Variants in IL16 observed in about 807,000 individuals in gnomAD.
IL16 encodes interleukin 16, also known as pro-interleukin-16.
IL16 carries 67 observed loss-of-function variants against 110.1 expected under a neutral mutation model. The observed-to-expected ratio is 0.61, with a 90% CI of 0.50 to 0.75. The LOEUF (loss-of-function observed/expected upper bound fraction) is 0.75, where lower values mean the gene tolerates loss of function less well. Among genes scored for constraint, IL16 ranks in the 30% least tolerant of loss-of-function variants. The pLI, the probability that IL16 is intolerant of heterozygous loss-of-function variation, is 0.00. For synonymous variants in IL16, 689 were observed against 662.9 expected (o/e 1.04, Z -0.61); for missense variants, 1,545 against 1,655.0 (o/e 0.93, Z 1.15).
exon 1 of IL16, chr15:81,182,874 A>G: frequency 7.8e-7 from 1 of 1,289,354 alleles, no homozygotes; most frequent in South Asian, 1.2e-5. Context: ...TGCAGAAGAG[A>G]GTCTTCCCGA....
intron 18 of IL16, among the ~76,000 whole-genome samples, chr15:81,307,320 G>A (rs1421213401): frequency 6.6e-6 from 1 of 152,118 alleles, no homozygotes; most frequent in Non-Finnish European, 1.5e-5. Context: ...TGGGCCTGAG[G>A]CTCTTCATCC....
chr15:81,257,089 A>G (rs1897974597), intron 2 of IL16, among the ~76,000 whole-genome samples: 1 of 152,208 alleles, frequency 6.6e-6, no homozygotes. Flanking sequence ...CCTTCTCTAT[A>G]GTCACTGCTT....
chr15:81,229,788 A>C (rs566711610), intron 2 of IL16, among the ~76,000 whole-genome samples: 44 of 152,242 alleles, frequency 2.9e-4, no homozygotes, highest in African/African-American at 9.6e-4. Flanking sequence ...TCCCCTCGCC[A>C]GAGTGGCCCT....
intron 2 of IL16, among the ~76,000 whole-genome samples, chr15:81,236,796 A>C (rs1438435154): frequency 6.6e-6 from 1 of 152,096 alleles, no homozygotes; most frequent in Non-Finnish European, 1.5e-5. Flanking sequence ...GTCTCTACGA[A>C]ATACACAAAA....
chr15:81,229,494 C>A (rs1896900944), intron 2 of IL16, among the ~76,000 whole-genome samples: 1 of 151,974 alleles, frequency 6.6e-6, no homozygotes. Context: ...ACTGGGACAA[C>A]AGAGAGGGGC....
intron 2 of IL16, among the ~76,000 whole-genome samples, chr15:81,245,189 T>C (rs1897493931): frequency 1.3e-5 from 2 of 152,212 alleles, no homozygotes; most frequent in Non-Finnish European, 2.9e-5. Flanking sequence ...GTTCAAAATA[T>C]TTCTGGGGTT....
intron 12 of IL16, chr15:81,295,489 A>G (rs1222443336): frequency 7.8e-7 from 1 of 1,289,716 alleles, no homozygotes; most frequent in East Asian, 5.5e-5. Flanking sequence ...CATGAATGTC[A>G]ACAGATGTCA....
chr15:81,193,272 A>G (rs956451311), upstream of IL16, among the ~76,000 whole-genome samples: 2 of 152,062 alleles, frequency 1.3e-5, no homozygotes, highest in East Asian at 1.9e-4. Flanking sequence ...TTAGGGGGGG[A>G]ATCAAGAGTA....
At chr15:81,242,946 T>A (rs967041270) in intron 2 of IL16, among the ~76,000 whole-genome samples, 1 of 151,308 alleles carries the variant, frequency 6.6e-6, no homozygotes, top group Admixed American at 6.6e-5. Context: ...GGTCAAAAAA[T>A]TTTTTTGCAT....
intron 1 of IL16, among the ~76,000 whole-genome samples, chr15:81,186,175 G>C (rs924098810): frequency 6.6e-6 from 1 of 152,232 alleles, no homozygotes; most frequent in Non-Finnish European, 1.5e-5. Flanking sequence ...CTTCCTGAGT[G>C]CTTTCAGCAC....
chr15:81,229,065 G>T (rs1896885479), intron 2 of IL16, among the ~76,000 whole-genome samples: 1 of 152,058 alleles, frequency 6.6e-6, no homozygotes. Flanking sequence ...TTAGCATGGG[G>T]GCACTAATTC....
intron 1 of IL16, among the ~76,000 whole-genome samples, chr15:81,201,157 G>C (rs886216984): frequency 1.3e-5 from 2 of 150,264 alleles, no homozygotes; most frequent in African/African-American, 2.4e-5. Context: ...GTGTGTCTCT[G>C]TGTGTGTGTG....
chr15:81,251,088 C>G (rs1331903659), intron 2 of IL16, among the ~76,000 whole-genome samples: 2 of 152,138 alleles, frequency 1.3e-5, no homozygotes, highest in Admixed American at 1.3e-4. Context: ...CTTTTATTTA[C>G]TTTTTGGCCT....
chr15:81,283,710 C>CA (rs1423557542), intron 9 of IL16, among the ~76,000 whole-genome samples: 7 of 152,224 alleles, frequency 4.6e-5, no homozygotes, highest in African/African-American at 1.4e-4. Context: ...GGCTTAATGA[C>CA]AAAAATATTA....
At chr15:81,308,571 T>G (rs768058911) in intron 18 of IL16, 34 bp from the exon 19 acceptor site, 7 of 1,502,598 alleles carry the variant, frequency 4.7e-6, no homozygotes, top group Non-Finnish European at 6.3e-6. Flanking sequence ...TTCCCCATCA[T>G]CTGTGGAACC....
intron 2 of IL16, among the ~76,000 whole-genome samples, chr15:81,252,277 A>G (rs537511147): frequency 1.3e-5 from 2 of 152,320 alleles, no homozygotes; most frequent in African/African-American, 4.8e-5. Flanking sequence ...ATGTTGAATG[A>G]CATACCAAGG....
intron 1 of IL16, among the ~76,000 whole-genome samples, chr15:81,187,822 T>G (rs1170857101): frequency 6.6e-6 from 1 of 152,208 alleles, no homozygotes; most frequent in African/African-American, 2.4e-5. Context: ...AAGTGCAGAC[T>G]TTGGCTGGGG....
chr15:81,280,765 A>G (rs979026860), intron 8 of IL16, among the ~76,000 whole-genome samples: 1 of 152,198 alleles, frequency 6.6e-6, no homozygotes, highest in Non-Finnish European at 1.5e-5. Flanking sequence ...ATGCCTCTGT[A>G]TGCCTGCAAG....
At chr15:81,244,202 TG>T (rs1286949396) in intron 2 of IL16, among the ~76,000 whole-genome samples, 2 of 152,210 alleles carry the variant, frequency 1.3e-5, no homozygotes. Flanking sequence ...TAACATTTTT[TG>T]CTTCAACCAT....
Sources: gnomAD v4.1 joint callset for allele counts (sites outside exome capture counted in the v4.1 genomes callset) on GRCh38, gnomAD v4.1.1 for gene constraint, MANE v1.5 for transcripts, NCBI Gene and HGNC (gene_info 2026-07-23, HGNC 2026-07-21) for gene names.